ARHGAP6: variants seen among roughly 807,000 people sequenced by gnomAD.
ARHGAP6 encodes the protein Rho GTPase activating protein 6.
A neutral mutation model predicts 55.7 loss-of-function variants in ARHGAP6; 16 were observed. The ratio of observed to expected loss-of-function variants is 0.29; its 90% CI spans 0.19 to 0.44. The LOEUF (loss-of-function observed/expected upper bound fraction) is 0.44. ARHGAP6 is among the 20% of genes least tolerant of loss of function. ARHGAP6 has a pLI of 1.00. For synonymous variants in ARHGAP6, 382 were observed against 360.9 expected (o/e 1.06, Z -0.66); for missense variants, 698 against 808.9 (o/e 0.86, Z 1.66).
At chrX:11,533,227 T>C (rs920993286) in intron 1 of ARHGAP6, among the ~76,000 whole-genome samples, 3 of 110,773 alleles carry the variant, frequency 2.7e-5, no homozygotes, top group African/African-American at 9.9e-5. Flanking sequence ...GTGTAATATA[T>C]CCCCTCATTT....
chrX:11,535,209 T>C (rs1472340788), intron 1 of ARHGAP6, among the ~76,000 whole-genome samples: 1 of 111,936 alleles, frequency 8.9e-6, no homozygotes, highest in Non-Finnish European at 1.9e-5. Flanking sequence ...TTAGCCACCC[T>C]GCTTCCCATG....
At chrX:11,271,404 C>G (rs2047691490) in intron 1 of ARHGAP6, among the ~76,000 whole-genome samples, 1 of 111,739 alleles carries the variant, frequency 8.9e-6, no homozygotes, top group African/African-American at 3.2e-5. Context: ...AATTCCTTTC[C>G]ACTTTCTCAT....
intron 1 of ARHGAP6, among the ~76,000 whole-genome samples, chrX:11,547,124 A>G (rs2051219395): frequency 8.9e-6 from 1 of 112,500 alleles, no homozygotes; most frequent in Non-Finnish European, 1.9e-5. Context: ...TGGTTTTCCA[A>G]TAGAACATGT....
rs137940108 is a variant in ARHGAP6 at position 11,525,126 on chromosome X, A to T, written c.588+139115T>A. On this transcript the variant is annotated intron_variant, in intron 1 of 12. Coordinates refer to ENST00000337414, the MANE Select transcript of ARHGAP6 (RefSeq NM_013427.3). ...GATTCCTAACAGGCCATGTACCGGT[A>T]CTGGTCCATGACCAGAGGATTGGGG... 2.3e-3 allele frequency among the ~76,000 whole-genome samples: 255 copies of T among 111,735 alleles called. 2 individuals carry two copies. Among genetic ancestry groups the T allele is most frequent in the African/African-American group, 7.9e-3 (243 of 30,772 alleles).
At chrX:11,213,887 A>G (rs1041891294) in intron 2 of ARHGAP6, among the ~76,000 whole-genome samples, 1 of 112,181 alleles carries the variant, frequency 8.9e-6, no homozygotes, top group Non-Finnish European at 1.9e-5. Flanking sequence ...ACTTATATAA[A>G]TAAATACATG....
chrX:11,367,162 A>T (rs2049092000), intron 1 of ARHGAP6, among the ~76,000 whole-genome samples: 1 of 112,183 alleles, frequency 8.9e-6, no homozygotes, highest in East Asian at 2.8e-4. Context: ...AGAAGACTCA[A>T]AGGAATGATG....
chrX:11,145,006 TG>T (rs1342343930), intron 10 of ARHGAP6: 1 of 112,220 alleles, frequency 8.9e-6, no homozygotes, highest in African/African-American at 3.2e-5. Context: ...GAAATAACAG[TG>T]AAAATGTATG....
intron 10 of ARHGAP6, among the ~76,000 whole-genome samples, chrX:11,147,980 C>A (rs946824502): frequency 3.6e-5 from 4 of 112,066 alleles, no homozygotes; most frequent in Non-Finnish European, 7.5e-5. Flanking sequence ...GCTCTGGGAG[C>A]TTCTTGAGTG....
At position 11,440,529 on chromosome X, in the gene ARHGAP6, G is replaced by T. The variant is rs901144335; in HGVS notation, c.589-185822C>A. Among the ~76,000 whole-genome samples the T allele has an allele frequency of 3.6e-5, 4 of 111,334 alleles. No individual in the cohort carries two copies. The Admixed American group carries it at 3.8e-4, about 11-fold the overall frequency. On this transcript the variant is annotated intron_variant, in intron 1 of 12. Coordinates refer to ENST00000337414, the MANE Select transcript of ARHGAP6 (RefSeq NM_013427.3). ...GTCACCTCCCTTCCATTTCTCCTTT[G>T]CCTGTGTAACTCCCATTAGCCTCTC...
At chrX:11,429,812 C>T (rs2049924124) in intron 1 of ARHGAP6, among the ~76,000 whole-genome samples, 1 of 112,331 alleles carries the variant, frequency 8.9e-6, no homozygotes, top group Non-Finnish European at 1.9e-5. Context: ...AGAGCAAAGT[C>T]ATCAAAGATC....
At chrX:11,145,751 G>A (rs1666943608) in intron 10 of ARHGAP6, among the ~76,000 whole-genome samples, 2 of 112,497 alleles carry the variant, frequency 1.8e-5, no homozygotes, top group African/African-American at 3.2e-5. Context: ...TTTAAAAAGC[G>A]TTAAGCATTT....
chrX:11,550,742 A>G (rs150212000), intron 1 of ARHGAP6, among the ~76,000 whole-genome samples: 51 of 112,326 alleles, frequency 4.5e-4, no homozygotes, highest in African/African-American at 1.6e-3. Context: ...TGTTAATGTA[A>G]TCAGATGAGG....
intron 1 of ARHGAP6, among the ~76,000 whole-genome samples, chrX:11,271,096 T>C (rs186390034): frequency 1.8e-5 from 2 of 111,954 alleles, no homozygotes; most frequent in Admixed American, 1.9e-4. Context: ...GAAACTCAGA[T>C]AAGAGGGCAC....
At chrX:11,259,476 A>C (rs2047531558) in intron 1 of ARHGAP6, among the ~76,000 whole-genome samples, 1 of 112,152 alleles carries the variant, frequency 8.9e-6, no homozygotes, top group Non-Finnish European at 1.9e-5. Flanking sequence ...TTGAGTGTGC[A>C]TCCACATTGT....
At chrX:11,618,078 TAGA>T (rs2052185716) in intron 1 of ARHGAP6, among the ~76,000 whole-genome samples, 1 of 111,041 alleles carries the variant, frequency 9.0e-6, no homozygotes, top group African/African-American at 3.3e-5. Context: ...AGAGAGAAAA[TAGA>T]AGAAGTTATA....
At chrX:11,232,342 C>T (rs1460342908) in intron 2 of ARHGAP6, among the ~76,000 whole-genome samples, 1 of 111,540 alleles carries the variant, frequency 9.0e-6, no homozygotes. Flanking sequence ...AAAGACAGGC[C>T]GGGTGTGGTG....
At chrX:11,502,908 T>C (rs1302554323) in intron 1 of ARHGAP6, among the ~76,000 whole-genome samples, 1 of 110,851 alleles carries the variant, frequency 9.0e-6, no homozygotes, top group Non-Finnish European at 1.9e-5. Context: ...TCTTTTCTTT[T>C]CTTTTCAGAT....
chrX:11,391,866 C>T (rs1057089837), intron 1 of ARHGAP6, among the ~76,000 whole-genome samples: 2 of 111,709 alleles, frequency 1.8e-5, no homozygotes. Flanking sequence ...TGAGATTCTG[C>T]ATTTTGCAAT....
intron 1 of ARHGAP6, among the ~76,000 whole-genome samples, chrX:11,508,950 T>A (rs2050759466): frequency 9.0e-6 from 1 of 110,662 alleles, no homozygotes; most frequent in East Asian, 2.9e-4. Flanking sequence ...ATTTTATCAT[T>A]TAGGTTTCTT....
Sources: gnomAD v4.1 joint callset for allele counts (sites outside exome capture counted in the v4.1 genomes callset) on GRCh38, gnomAD v4.1.1 for gene constraint, MANE v1.5 for transcripts, NCBI Gene and HGNC (gene_info 2026-07-23, HGNC 2026-07-21) for gene names.